Variants in CDH12 observed in about 807,000 individuals in gnomAD.
CDH12 encodes the protein cadherin 12.
Under a neutral mutation model 74.1 loss-of-function variants are expected in CDH12, and 41 were observed. The observed-to-expected ratio is 0.55, with a 90% confidence interval of 0.43 to 0.72. The LOEUF is 0.72. Among genes scored for constraint, CDH12 ranks in the 30% least tolerant of loss-of-function variants. CDH12 has a pLI of 0.00. For missense variants in CDH12, 945 were observed against 977.2 expected, an observed-to-expected ratio of 0.97 and a Z score of 0.44; for synonymous variants, 399 against 355.0, an observed-to-expected ratio of 1.12 and a Z score of -1.39.
At chr5:22,827,472 TGAA>T (rs1736396049) in intron 1 of CDH12, among the ~76,000 whole-genome samples, 1 of 152,064 alleles carries the variant, frequency 6.6e-6, no homozygotes, top group Admixed American at 6.6e-5. Context: ...GCTAGGGCAG[TGAA>T]GAAGGGAAAC....
intron 2 of CDH12, among the ~76,000 whole-genome samples, chr5:22,425,073 TATATAG>T (rs1474881676): frequency 1.9e-5 from 2 of 103,778 alleles, no homozygotes; most frequent in African/African-American, 4.8e-5. Context: ...TATATATATA[TATATAG>T]AGAGAGAGAG....
rs70959753 is a variant in CDH12 at position 22,713,132 on chromosome 5, CTTTTTTTTTTTT to C, written c.-523+139914_-523+139925del. On this transcript the variant is annotated intron_variant, in intron 1 of 14. Coordinates refer to ENST00000382254, the MANE Select transcript of CDH12 (RefSeq NM_004061.5). ...CTTTCCATATGATCTTATGCTAATT[CTTTTTTTTTTTT>C]TTTTTTTTTTTTTTTGAGGTGGAGT... 6.5e-5 allele frequency among the ~76,000 whole-genome samples: 4 copies of C among 61,210 alleles called. No individual in the cohort carries two copies. The South Asian group carries it at 3.1e-3, about 47-fold the overall frequency. 40.2% of individuals were successfully genotyped at this position (61,210 alleles called of 152,430 possible). A position where few individuals can be genotyped will look rare whatever the true frequency, so the allele number is the denominator to read the frequency against.
chr5:22,641,721 C>T (rs924330316), intron 1 of CDH12, among the ~76,000 whole-genome samples: 1 of 152,156 alleles, frequency 6.6e-6, no homozygotes, highest in Non-Finnish European at 1.5e-5. Context: ...CCAACTCTTT[C>T]TTGCTATTCA....
intron 1 of CDH12, among the ~76,000 whole-genome samples, chr5:22,631,721 T>C (rs1410047917): frequency 6.6e-6 from 1 of 152,310 alleles, no homozygotes; most frequent in Non-Finnish European, 1.5e-5. Flanking sequence ...GATTCTGGCA[T>C]CTGCTTCTGG....
intron 2 of CDH12, among the ~76,000 whole-genome samples, chr5:22,478,643 C>T (rs531935688): frequency 1.1e-4 from 16 of 151,766 alleles, no homozygotes; most frequent in African/African-American, 3.9e-4. Flanking sequence ...TGACTTCTGT[C>T]CTCAGAGCCT....
At chr5:21,916,911 A>T (rs1754123693) in intron 6 of CDH12, among the ~76,000 whole-genome samples, 1 of 152,170 alleles carries the variant, frequency 6.6e-6, no homozygotes, top group Non-Finnish European at 1.5e-5. Context: ...ATCTGTGGAC[A>T]TTCTTAGTAA....
intron 3 of CDH12, among the ~76,000 whole-genome samples, chr5:22,318,530 A>C (rs1250424427): frequency 6.6e-6 from 1 of 152,188 alleles, no homozygotes; most frequent in East Asian, 1.9e-4. Flanking sequence ...GCATGGCCTC[A>C]AAAGTATTAT....
In CDH12 at chr5:21,854,784, T is replaced by C. The variant is rs1468695866; in HGVS notation, c.533A>G (p.Tyr178Cys). Residue 178 changes from tyrosine (Y) to cysteine (C), a missense_variant, in exon 7 of 15, where the codon TAT (tyrosine) becomes TGT (cysteine). Tyr to Cys is a radical substitution (Grantham distance 194). Coordinates refer to ENST00000382254, the MANE Select transcript of CDH12 (RefSeq NM_004061.5). ...ATCTGTGGCCTTGACCTGGAGTACA[T>C]ATGCACCTGGAAAATAAGACAATAT... is the stretch of plus-strand genomic sequence containing the variant. ...TVPEMSPVGA[Y>C]VLQVKATDAD... The C allele has an allele frequency of 1.9e-6, 3 of 1,608,228 alleles. No individual in the cohort carries two copies. Among genetic ancestry groups the C allele is most frequent in the South Asian group, 1.1e-5 (1 of 90,482 alleles).
chr5:22,286,678 C>CTTTT (rs56379593), intron 3 of CDH12, among the ~76,000 whole-genome samples: 1 of 145,806 alleles, frequency 6.9e-6, no homozygotes, highest in Non-Finnish European at 1.5e-5. Flanking sequence ...TCTTTCTTTC[C>CTTTT]TTTTTTTTTT....
At chr5:21,917,424 T>C (rs1362395935) in intron 6 of CDH12, among the ~76,000 whole-genome samples, 2 of 152,226 alleles carry the variant, frequency 1.3e-5, no homozygotes, top group African/African-American at 2.4e-5. Flanking sequence ...GAAGTCATTA[T>C]ATAAAAATTA....
chr5:22,273,479 G>A (rs1239147713), intron 3 of CDH12, among the ~76,000 whole-genome samples: 1 of 152,130 alleles, frequency 6.6e-6, no homozygotes. Flanking sequence ...GGAATTCTAT[G>A]TATATAATCT....
chr5:21,990,030 T>G (rs1757681866), intron 5 of CDH12, among the ~76,000 whole-genome samples: 1 of 152,174 alleles, frequency 6.6e-6, no homozygotes, highest in Non-Finnish European at 1.5e-5. Context: ...CCACCTCCTA[T>G]TTAATTTGTA....
At chr5:21,944,240 T>A (rs928319072) in intron 6 of CDH12, among the ~76,000 whole-genome samples, 7 of 152,326 alleles carry the variant, frequency 4.6e-5, no homozygotes, top group Admixed American at 4.6e-4. Context: ...CTCCTATGTA[T>A]TTTGTAGTAC....
In CDH12 at chr5:22,472,294, T is replaced by A. The variant is rs141648083; in HGVS notation, c.-428+32976A>T. ...GACTAAACTTTAGTCAATGAGAGAG[T>A]TTTTGCTAGCTGCCATTCATTTTTA... On this transcript the variant is annotated intron_variant, in intron 2 of 14. Transcript: ENST00000382254. 7.3e-5 allele frequency among the ~76,000 whole-genome samples: 11 copies of A among 151,430 alleles called. No individual in the cohort carries two copies. In the East Asian group the frequency reaches 1.9e-3, roughly 27 times the overall value.
rs925392807 is a variant in CDH12 at position 22,828,578 on chromosome 5, G to A, written c.-523+24480C>T. ...ACTGAATCCAATAACAGCGTGTGGT[G>A]GAAAAGACCTAAGAATAAAGTCCGC... On this transcript the variant is annotated intron_variant, in intron 1 of 14. Coordinates refer to ENST00000382254, the MANE Select transcript of CDH12 (RefSeq NM_004061.5). Among the ~76,000 whole-genome samples the A allele has an allele frequency of 2.6e-5, 4 of 152,202 alleles. 1 individual carries two copies. The highest frequency in any genetic ancestry group is 4.4e-5 in the Non-Finnish European group (3 of 68,000).
intron 1 of CDH12, among the ~76,000 whole-genome samples, chr5:22,813,201 C>T (rs1749231024): frequency 6.6e-6 from 1 of 152,096 alleles, no homozygotes; most frequent in South Asian, 2.1e-4. Context: ...ATTCTATGAT[C>T]TGGGAGATCT....
intron 6 of CDH12, among the ~76,000 whole-genome samples, chr5:21,904,695 G>A (rs969264940): frequency 3.3e-5 from 5 of 152,082 alleles, no homozygotes; most frequent in Non-Finnish European, 2.9e-5. Flanking sequence ...CAAAAGGATT[G>A]CTTGAGCCCA....
At chr5:22,277,492 C>T (rs1736684950) in intron 3 of CDH12, among the ~76,000 whole-genome samples, 2 of 152,080 alleles carry the variant, frequency 1.3e-5, no homozygotes, top group African/African-American at 4.8e-5. Context: ...CATAGTGCTA[C>T]TCTATCTTGG....
intron 2 of CDH12, among the ~76,000 whole-genome samples, chr5:22,414,976 T>A (rs1743320312): frequency 6.6e-6 from 1 of 152,100 alleles, no homozygotes; most frequent in South Asian, 2.1e-4. Context: ...TAGACAAAAC[T>A]TAGATGACTC....
Sources: allele counts gnomAD v4.1 joint callset (sites outside exome capture counted in the v4.1 genomes callset), GRCh38; gene constraint gnomAD v4.1.1; transcripts MANE v1.5; gene names NCBI Gene and HGNC (gene_info 2026-07-23, HGNC 2026-07-21).